SCAMP1: variants seen among roughly 807,000 people sequenced by gnomAD.
SCAMP1 encodes the protein secretory carrier-associated membrane protein 1.
In SCAMP1, 15 loss-of-function variants were observed where a neutral mutation model predicts 41.8. The observed-to-expected ratio is 0.36, with a 90% CI of 0.24 to 0.55. SCAMP1 has a LOEUF of 0.55. SCAMP1 is among the 20% of genes least tolerant of loss of function. The pLI, the probability that SCAMP1 is intolerant of heterozygous loss-of-function variation, is 0.86. For missense variants in SCAMP1, 341 were observed against 412.6 expected, an observed-to-expected ratio of 0.83 and a Z score of 1.50; for synonymous variants, 135 against 136.8, an observed-to-expected ratio of 0.99 and a Z score of 0.09.
chr5:78,467,542 G>T (rs1183257309), intron 8 of SCAMP1, among the ~76,000 whole-genome samples: 1 of 152,120 alleles, frequency 6.6e-6, no homozygotes, highest in Non-Finnish European at 1.5e-5. Context: ...TCGAATAAAA[G>T]TATTGATATG....
rs1292183265 is a variant in SCAMP1 at position 78,476,488 on chromosome 5, A to T, written c.*820A>T. 6.6e-6 allele frequency: 1 copy of T among 152,558 alleles called. No individual in the cohort carries two copies. The highest frequency in any genetic ancestry group is 1.9e-4 in the East Asian group (1 of 5,200). The allele number at this position is 152,558 out of a possible 1,614,324, so 9.5% of individuals were successfully genotyped here. ...AAAGTAGTGGTAATAATTCCTTTTT[A>T]AAAAAATTTCGGTAGTCATATAGTA... is the stretch of plus-strand genomic sequence containing the variant. On this transcript the variant is annotated 3_prime_UTR_variant, in exon 9 of 9. Coordinates refer to ENST00000621999, the MANE Select transcript of SCAMP1 (RefSeq NM_004866.6).
intron 2 of SCAMP1, among the ~76,000 whole-genome samples, chr5:78,403,505 A>G (rs879515448): frequency 1.3e-5 from 2 of 152,128 alleles, no homozygotes; most frequent in African/African-American, 2.4e-5. Flanking sequence ...CCATTTGAGA[A>G]TAAGAAAAAT....
At chr5:78,461,625 A>C (rs59474618) in intron 8 of SCAMP1, among the ~76,000 whole-genome samples, 1 of 151,974 alleles carries the variant, frequency 6.6e-6, no homozygotes. Context: ...GCAGTGGCAC[A>C]ATCTCGGCTC....
rs563723816 is a variant in SCAMP1 at position 78,477,286 on chromosome 5, T to C, written c.*1618T>C. 5.3e-5 allele frequency: 8 copies of C among 152,252 alleles called. No individual in the cohort carries two copies. The highest frequency in any genetic ancestry group is 4.6e-4 in the Admixed American group (7 of 15,296). The allele number at this position is 152,252 out of a possible 1,614,324, so 9.4% of individuals were successfully genotyped here. On this transcript the variant is annotated 3_prime_UTR_variant, in exon 9 of 9. Transcript: ENST00000621999. The stretch of plus-strand genomic sequence containing the variant: ...TACATTTGATTTATTTGGGATCTTA[T>C]TGACATCAGGTATACTTGGAAGACA...
chr5:78,375,217 A>T (rs1751037600), intron 1 of SCAMP1, among the ~76,000 whole-genome samples: 1 of 152,156 alleles, frequency 6.6e-6, no homozygotes, highest in African/African-American at 2.4e-5. Context: ...TTTTAATTAC[A>T]TTTTATAGAG....
intron 6 of SCAMP1, among the ~76,000 whole-genome samples, chr5:78,435,738 G>A (rs758481170): frequency 6.6e-6 from 1 of 152,018 alleles, no homozygotes. Context: ...TGGGTATATA[G>A]CCAGTAATGG....
intron 8 of SCAMP1, among the ~76,000 whole-genome samples, chr5:78,472,954 G>A (rs1443340746): frequency 2.0e-5 from 3 of 152,036 alleles, no homozygotes; most frequent in Admixed American, 6.6e-5. Flanking sequence ...AAGTAAAGAA[G>A]GTTGATAAGA....
chr5:78,388,939 G>A lies in SCAMP1; in HGVS notation c.135+25G>A, dbSNP rs556360366. Reference sequence around the variant, plus strand: ...AGTAAGATTATTCTTGCTTTTAAATGTTTAAATTGAAATTCAGTAGGAATT... The same window carrying A: ...AGTAAGATTATTCTTGCTTTTAAATATTTAAATTGAAATTCAGTAGGAATT... On this transcript the variant is annotated intron_variant, in intron 2 of 8. Coordinates refer to ENST00000621999, the MANE Select transcript of SCAMP1 (RefSeq NM_004866.6). The A allele has an allele frequency of 3.7e-5, 45 of 1,204,278 alleles. 1 individual carries two copies. The South Asian group carries it at 5.7e-4, about 15-fold the overall frequency. The allele number at this position is 1,204,278 out of a possible 1,614,324, so 74.6% of individuals were successfully genotyped here.
At chr5:78,392,012 GGAGAGGGAGA>G (rs1445398146) in intron 2 of SCAMP1, among the ~76,000 whole-genome samples, 18 of 130,870 alleles carry the variant, frequency 1.4e-4, no homozygotes, top group African/African-American at 4.7e-4. Flanking sequence ...AGAGGGAGAG[GGAGAGGGAGA>G]GAGAGGGAGA....
chr5:78,409,329 T>A (rs1444406433), intron 2 of SCAMP1, among the ~76,000 whole-genome samples: 4 of 152,164 alleles, frequency 2.6e-5, no homozygotes, highest in Admixed American at 6.6e-5. Flanking sequence ...GATCTCTACA[T>A]ATGGGTGATC....
At chr5:78,438,217 G>T (rs1752815404) in intron 6 of SCAMP1, among the ~76,000 whole-genome samples, 1 of 152,102 alleles carries the variant, frequency 6.6e-6, no homozygotes, top group Non-Finnish European at 1.5e-5. Context: ...ATCTCCTTCA[G>T]TTCTGCTCTG....
At chr5:78,414,332 G>A (rs996987499) in intron 2 of SCAMP1, among the ~76,000 whole-genome samples, 2 of 151,602 alleles carry the variant, frequency 1.3e-5, no homozygotes, top group African/African-American at 4.8e-5. Flanking sequence ...TCCCAGGCTG[G>A]AGTGCAGTGG....
chr5:78,386,086 A>G lies in SCAMP1; in HGVS notation c.58-2751A>G, dbSNP rs147665040. Among the ~76,000 whole-genome samples, 1,014 of 152,172 alleles carry G rather than the reference A, an allele frequency of 6.7e-3. 8 individuals are homozygous for G. The highest frequency in any genetic ancestry group is 0.023 in the African/African-American group (963 of 41,532). On this transcript the variant is annotated intron_variant, in intron 1 of 8. Transcript: ENST00000621999. ...CCCCACTATTATTGTGTTGCTGTCT[A>G]TCTCATTTCTTAGGTCTAGTAGTAC...
chr5:78,425,339 A>G (rs1434584736), intron 6 of SCAMP1, among the ~76,000 whole-genome samples: 6 of 152,196 alleles, frequency 3.9e-5, no homozygotes, highest in Non-Finnish European at 5.9e-5. Context: ...AAGAAATGGA[A>G]CATTATCAAT....
At chr5:78,383,034 A>G (rs1414533855) in intron 1 of SCAMP1, among the ~76,000 whole-genome samples, 2 of 152,172 alleles carry the variant, frequency 1.3e-5, no homozygotes, top group South Asian at 2.1e-4. Flanking sequence ...CCTGTTTTCC[A>G]TAGTGTTTGT....
At chr5:78,454,768 C>T (rs1468630248) in intron 7 of SCAMP1, among the ~76,000 whole-genome samples, 1 of 152,174 alleles carries the variant, frequency 6.6e-6, no homozygotes, top group South Asian at 2.1e-4. Context: ...GTACCAGTTC[C>T]TCCTTGTACC....
chr5:78,389,815 A>G (rs1254079331), intron 2 of SCAMP1, among the ~76,000 whole-genome samples: 2 of 151,896 alleles, frequency 1.3e-5, no homozygotes, highest in Non-Finnish European at 2.9e-5. Flanking sequence ...TTCTGTGGCA[A>G]ATAATTTCAT....
intron 8 of SCAMP1, among the ~76,000 whole-genome samples, chr5:78,473,831 A>G (rs1369348373): frequency 9.2e-5 from 14 of 152,184 alleles, no homozygotes; most frequent in Non-Finnish European, 2.9e-5. Context: ...GGTTTCAGCT[A>G]TCATTTATAT....
intron 1 of SCAMP1, among the ~76,000 whole-genome samples, chr5:78,380,044 C>T (rs1213083448): frequency 6.6e-6 from 1 of 152,102 alleles, no homozygotes; most frequent in African/African-American, 2.4e-5. Context: ...TTTTATCTGC[C>T]TTTTGCACCA....
Sources: gnomAD v4.1 joint callset for allele counts (sites outside exome capture counted in the v4.1 genomes callset) on GRCh38, gnomAD v4.1.1 for gene constraint, MANE v1.5 for transcripts, NCBI Gene and HGNC (gene_info 2026-07-23, HGNC 2026-07-21) for gene names.